The following SMU1 variants were observed in gnomAD, a reference collection of about 807,000 sequenced individuals.
SMU1 encodes the protein WD40 repeat-containing protein SMU1.
Under a neutral mutation model 62.0 loss-of-function variants are expected in SMU1, and 2 were observed. That is an observed-to-expected ratio of 0.03 (90% confidence interval 0.01 to 0.10). SMU1 has a LOEUF of 0.10. SMU1 is among the 10% of genes least tolerant of loss of function. The pLI is 1.00. For synonymous variants in SMU1, 188 were observed against 212.4 expected, an observed-to-expected ratio of 0.89 and a Z score of 1.00; for missense variants, 227 against 622.1, an observed-to-expected ratio of 0.36 and a Z score of 6.76.
chr9:33,066,496 C>T (rs1839420847), intron 4 of SMU1, among the ~76,000 whole-genome samples: 2 of 86,212 alleles, frequency 2.3e-5, no homozygotes, highest in South Asian at 4.6e-4. Context: ...GCTCTGTGTT[C>T]CATTTAATTA....
chr9:33,052,448 T>C (rs1207838387), intron 10 of SMU1, among the ~76,000 whole-genome samples: 1 of 152,204 alleles, frequency 6.6e-6, no homozygotes, highest in African/African-American at 2.4e-5. Context: ...ACCAGCCATC[T>C]CAGCTATGGA....
At chr9:33,067,524 G>A (rs1409506299) in intron 4 of SMU1, among the ~76,000 whole-genome samples, 4 of 135,340 alleles carry the variant, frequency 3.0e-5, no homozygotes, top group Non-Finnish European at 6.2e-5. Flanking sequence ...TTGAGATGAA[G>A]TCTCGCTCTT....
intron 10 of SMU1, among the ~76,000 whole-genome samples, chr9:33,049,549 A>G (rs1180020804): frequency 6.6e-6 from 1 of 152,162 alleles, no homozygotes; most frequent in East Asian, 1.9e-4. Context: ...ATGACTTTTT[A>G]GATACAACTC....
chr9:33,069,845 G>A (rs1224222133), intron 3 of SMU1, among the ~76,000 whole-genome samples: 1 of 151,996 alleles, frequency 6.6e-6, no homozygotes, highest in Non-Finnish European at 1.5e-5. Context: ...AGAATACAGG[G>A]CCAAGTGTGG....
intron 2 of SMU1, among the ~76,000 whole-genome samples, chr9:33,072,609 T>C (rs1195487488): frequency 6.6e-6 from 1 of 151,934 alleles, no homozygotes; most frequent in Non-Finnish European, 1.5e-5. Flanking sequence ...GGCAGGTGGA[T>C]CACTTGAGGT....
chr9:33,051,824 G>A (rs1004333960), intron 10 of SMU1, among the ~76,000 whole-genome samples: 2 of 152,046 alleles, frequency 1.3e-5, no homozygotes, highest in African/African-American at 4.8e-5. Context: ...GGAGGCCGAG[G>A]CAGGTGGATC....
At chr9:33,071,067 C>A (rs906251231) in intron 3 of SMU1, among the ~76,000 whole-genome samples, 8 of 152,106 alleles carry the variant, frequency 5.3e-5, no homozygotes, top group African/African-American at 1.9e-4. Flanking sequence ...ATGGATACTC[C>A]ATTTACCCTC....
chr9:33,060,331 T>G, intron 6 of SMU1, 134 bp downstream of exon 6: 1 of 807,444 alleles, frequency 1.2e-6, no homozygotes, highest in Non-Finnish European at 1.9e-6. Context: ...AAATGAGTTT[T>G]TTAATTACAA....
chr9:33,066,728 C>T (rs959704804), intron 4 of SMU1, among the ~76,000 whole-genome samples: 5 of 151,950 alleles, frequency 3.3e-5, no homozygotes, highest in Admixed American at 6.6e-5. Flanking sequence ...ATTGCTCGAA[C>T]CCAGAAGGCG....
At chr9:33,051,119 TC>T (rs1230954803) in intron 10 of SMU1, among the ~76,000 whole-genome samples, 3 of 55,700 alleles carry the variant, frequency 5.4e-5, no homozygotes, top group African/African-American at 2.0e-4. Context: ...AGACTCTGTC[TC>T]AAAAAAAAAA....
At chr9:33,074,772 CTTT>C (rs757049046) in intron 1 of SMU1, among the ~76,000 whole-genome samples, 8 of 133,914 alleles carry the variant, frequency 6.0e-5, no homozygotes, top group Admixed American at 7.7e-5. Flanking sequence ...CAAACATCCT[CTTT>C]TTTTTTTTTT....
intron 1 of SMU1, 34 bp downstream of exon 1, chr9:33,076,549 G>C: frequency 6.2e-7 from 1 of 1,613,034 alleles, no homozygotes; most frequent in Non-Finnish European, 8.5e-7. Flanking sequence ...CCAGGCCCCC[G>C]GCAAGGCGCG....
intron 6 of SMU1, among the ~76,000 whole-genome samples, chr9:33,060,226 G>A (rs776387113): frequency 1.7e-4 from 26 of 151,956 alleles, no homozygotes; most frequent in African/African-American, 2.7e-4. Flanking sequence ...ATGCTGCCCC[G>A]GCTGGGTTGA....
Position 33,070,416 on chromosome 9 carries a change from C to G in SMU1, c.390+1324G>C, listed in dbSNP as rs117467967. Reference sequence around the variant, plus strand: ...GGTGAGTAAGTGGAGAAAAAGGAACCCTCGTACACTATTAGTGGGAATGTA... The same window carrying G: ...GGTGAGTAAGTGGAGAAAAAGGAACGCTCGTACACTATTAGTGGGAATGTA... On this transcript the variant is annotated intron_variant, in intron 3 of 11. Coordinates refer to ENST00000397149, the MANE Select transcript of SMU1 (RefSeq NM_018225.3). Among the ~76,000 whole-genome samples the G allele has an allele frequency of 4.5e-4, 69 of 152,158 alleles. No homozygotes were observed. In the East Asian group the frequency reaches 0.012, roughly 26 times the overall value.
chr9:33,049,067 T>C (rs1839215498), intron 10 of SMU1, among the ~76,000 whole-genome samples: 1 of 152,244 alleles, frequency 6.6e-6, no homozygotes. Flanking sequence ...ACAGATTTCA[T>C]ACAATCCCAA....
At chr9:33,068,686 G>A (rs971641682) in intron 4 of SMU1, 138 bp downstream of exon 4, 27 of 979,830 alleles carry the variant, frequency 2.8e-5, no homozygotes, top group East Asian at 1.7e-4. Context: ...TTTACTTTTT[G>A]TAGAGACAGA....
chr9:33,066,739 G>C (rs112585447), intron 4 of SMU1, among the ~76,000 whole-genome samples: 6,093 of 151,952 alleles, frequency 0.04, 191 homozygotes, highest in East Asian at 0.13. Flanking sequence ...CCAGAAGGCG[G>C]AGGTTGCAGT....
Position 33,060,495 on chromosome 9 carries a change from T to C in SMU1, c.720A>G (p.Val240=), listed in dbSNP as rs546250452. The C allele has an allele frequency of 1.6e-5, 25 of 1,609,556 alleles. No homozygotes were observed. The highest frequency in any genetic ancestry group is 2.0e-5 in the Non-Finnish European group (24 of 1,179,148). ...VTGSVDGFIE[V]WNFTTGKIRK... ...TGATTTTTCCAGTAGTAAAGTTCCA[T>C]ACTTCAATGAATCCATCAACAGACC... The change falls in exon 6 of 12, where the codon GTA becomes GTG. Residue 240 remains valine (V), a synonymous_variant. Transcript: ENST00000397149.
At chr9:33,057,496 A>T in intron 7 of SMU1, 102 bp downstream of exon 7, 1 of 1,388,608 alleles carries the variant, frequency 7.2e-7, no homozygotes, top group Non-Finnish European at 1.0e-6. Context: ...GATGCTCAAT[A>T]ATCAGTAGCT....
Sources: allele counts gnomAD v4.1 joint callset (sites outside exome capture counted in the v4.1 genomes callset), GRCh38; gene constraint gnomAD v4.1.1; transcripts MANE v1.5; gene names NCBI Gene and HGNC (gene_info 2026-07-23, HGNC 2026-07-21).